The following TTC28 variants were observed in gnomAD, a reference collection of about 807,000 sequenced individuals.
TTC28 encodes tetratricopeptide repeat protein 28.
A neutral mutation model predicts 198.0 loss-of-function variants in TTC28; 61 were observed. The observed-to-expected ratio is 0.31, with a 90% confidence interval of 0.25 to 0.38. The LOEUF is 0.38. Among genes scored for constraint, TTC28 ranks in the 10% least tolerant of loss-of-function variants. The pLI, the probability that TTC28 is intolerant of heterozygous loss-of-function variation, is 1.00. For missense variants in TTC28, 2,678 were observed against 3,164.0 expected (o/e 0.85, Z 3.69); for synonymous variants, 1,171 against 1,297.8 (o/e 0.90, Z 2.10).
intron 2 of TTC28, among the ~76,000 whole-genome samples, chr22:28,402,100 C>T (rs1482253447): frequency 6.6e-6 from 1 of 152,200 alleles, no homozygotes; most frequent in East Asian, 1.9e-4. Flanking sequence ...AAGGCTGATG[C>T]ACTGAAGACT....
At chr22:28,414,516 T>A (rs2047138870) in intron 2 of TTC28, among the ~76,000 whole-genome samples, 1 of 152,032 alleles carries the variant, frequency 6.6e-6, no homozygotes, top group South Asian at 2.1e-4. Flanking sequence ...GGAAAAGCAT[T>A]CTGACTGGAG....
At chr22:28,161,417 A>G (rs1285097727) in intron 6 of TTC28, among the ~76,000 whole-genome samples, 1 of 152,142 alleles carries the variant, frequency 6.6e-6, no homozygotes, top group Non-Finnish European at 1.5e-5. Flanking sequence ...GATGCCCACC[A>G]TGGGCAGGTT....
chr22:28,080,886 G>A (rs59908521), intron 12 of TTC28, among the ~76,000 whole-genome samples: 1 of 152,062 alleles, frequency 6.6e-6, no homozygotes, highest in African/African-American at 2.4e-5. Context: ...AGGGTCCAAC[G>A]TTTTTCCTTT....
intron 2 of TTC28, among the ~76,000 whole-genome samples, chr22:28,563,574 A>T (rs1456969699): frequency 1.3e-5 from 2 of 152,212 alleles, no homozygotes; most frequent in Admixed American, 6.5e-5. Flanking sequence ...GATTTGCATC[A>T]ATCAATGCAA....
At chr22:28,417,661 G>T (rs1466934860) in intron 2 of TTC28, among the ~76,000 whole-genome samples, 3 of 152,188 alleles carry the variant, frequency 2.0e-5, no homozygotes, top group Non-Finnish European at 4.4e-5. Flanking sequence ...ATATGCACAT[G>T]CATTTTCATT....
chr22:28,224,150 A>AT (rs1197853355), intron 5 of TTC28, among the ~76,000 whole-genome samples: 2 of 152,162 alleles, frequency 1.3e-5, no homozygotes, highest in African/African-American at 4.8e-5. Context: ...GACCCCCACA[A>AT]TAACGGAGGA....
chr22:28,679,177 G>A (rs2052050245), intron 1 of TTC28, among the ~76,000 whole-genome samples: 6 of 152,172 alleles, frequency 3.9e-5, no homozygotes, highest in Admixed American at 3.9e-4. Context: ...GGGACGAAGA[G>A]CTCACTCCTC....
chr22:28,631,062 T>G (rs1441888039), intron 1 of TTC28, among the ~76,000 whole-genome samples: 2 of 152,156 alleles, frequency 1.3e-5, no homozygotes, highest in Non-Finnish European at 2.9e-5. Flanking sequence ...AATACTATAG[T>G]GTGCTACAAC....
At chr22:28,332,488 T>C (rs1172292927) in intron 2 of TTC28, among the ~76,000 whole-genome samples, 2 of 152,086 alleles carry the variant, frequency 1.3e-5, no homozygotes, top group African/African-American at 4.8e-5. Context: ...GTTGATTATT[T>C]TCAAAATTAT....
chr22:28,403,711 G>A (rs545042863), intron 2 of TTC28, among the ~76,000 whole-genome samples: 28 of 152,234 alleles, frequency 1.8e-4, no homozygotes, highest in South Asian at 4.2e-4. Context: ...TCTCGCAAAT[G>A]CCCATTTTGT....
intron 2 of TTC28, among the ~76,000 whole-genome samples, chr22:28,521,285 G>A (rs139163988): frequency 1.3e-3 from 198 of 151,502 alleles, no homozygotes; most frequent in African/African-American, 4.5e-3. Context: ...GTGTACACCC[G>A]CAGTCCCAGC....
At chr22:28,483,143 TCAAG>T (rs1454273281) in intron 2 of TTC28, among the ~76,000 whole-genome samples, 1 of 152,184 alleles carries the variant, frequency 6.6e-6, no homozygotes, top group Admixed American at 6.5e-5. Flanking sequence ...TTTTCCACAG[TCAAG>T]CAAGCATTTC....
intron 5 of TTC28, among the ~76,000 whole-genome samples, chr22:28,188,770 T>C (rs995394665): frequency 3.3e-5 from 5 of 152,036 alleles, no homozygotes; most frequent in African/African-American, 9.7e-5. Context: ...CCTGTGGAAA[T>C]TGGCCCAAAG....
chr22:28,299,213 T>A (rs2044963943), intron 3 of TTC28, among the ~76,000 whole-genome samples: 1 of 151,976 alleles, frequency 6.6e-6, no homozygotes, highest in African/African-American at 2.4e-5. Flanking sequence ...GAAAAACTAT[T>A]TCACATTAGT....
At chr22:28,451,294 G>T (rs919281657) in intron 2 of TTC28, among the ~76,000 whole-genome samples, 1 of 152,172 alleles carries the variant, frequency 6.6e-6, no homozygotes, top group Non-Finnish European at 1.5e-5. Flanking sequence ...CGCAGAAGGG[G>T]TAAACTAGCC....
intron 12 of TTC28, among the ~76,000 whole-genome samples, chr22:28,071,562 T>A (rs574554360): frequency 9.3e-4 from 125 of 133,724 alleles, no homozygotes; most frequent in Non-Finnish European, 1.5e-3. Context: ...AAGGGGAATA[T>A]CACACTCTGG....
At chr22:28,169,904 T>C (rs1007793822) in intron 5 of TTC28, among the ~76,000 whole-genome samples, 16 of 151,892 alleles carry the variant, frequency 1.1e-4, no homozygotes, top group East Asian at 3.8e-4. Context: ...CATCATACTC[T>C]TAAAAAAAAA....
intron 2 of TTC28, among the ~76,000 whole-genome samples, chr22:28,545,854 T>C (rs1300477277): frequency 6.6e-6 from 1 of 152,182 alleles, no homozygotes; most frequent in African/African-American, 2.4e-5. Flanking sequence ...AGAAGTATAC[T>C]ATGTTCACAA....
rs530734994 is a variant in TTC28 at position 28,313,856 on chromosome 22, C to G, written c.382-7213G>C. Among the ~76,000 whole-genome samples the G allele has an allele frequency of 4.1e-4, 63 of 152,210 alleles. No individual in the cohort carries two copies. The Middle Eastern group carries it at 0.02, about 49-fold the overall frequency. On this transcript the variant is annotated intron_variant, in intron 2 of 22. Coordinates refer to ENST00000397906, the MANE Select transcript of TTC28 (RefSeq NM_001145418.2). ...TATTCAACATAGTATTGGAAGTTCTCGCCAGGGCAATTAGGCAAGAAAAAG... is the reference window on the plus strand; with the variant it reads ...TATTCAACATAGTATTGGAAGTTCTGGCCAGGGCAATTAGGCAAGAAAAAG...
Sources: gnomAD v4.1 joint callset for allele counts (sites outside exome capture counted in the v4.1 genomes callset) on GRCh38, gnomAD v4.1.1 for gene constraint, MANE v1.5 for transcripts, NCBI Gene and HGNC (gene_info 2026-07-23, HGNC 2026-07-21) for gene names.